The following CACNB2 variants were observed in gnomAD, a reference collection of about 807,000 sequenced individuals.
The protein encoded by CACNB2 is voltage-dependent L-type calcium channel subunit beta-2.
Under a neutral mutation model 73.3 loss-of-function variants are expected in CACNB2, and 42 were observed. That is an observed-to-expected ratio of 0.57 (90% CI 0.45 to 0.74). The LOEUF (loss-of-function observed/expected upper bound fraction) is 0.74. CACNB2 is among the 30% of genes least tolerant of loss of function. The probability of loss-of-function intolerance (pLI) is 0.00; values close to 1 mark genes in which losing one functional copy is unlikely to be tolerated. For synonymous variants in CACNB2, 348 were observed against 310.3 expected, an observed-to-expected ratio of 1.12 and a Z score of -1.28; for missense variants, 940 against 853.0, an observed-to-expected ratio of 1.10 and a Z score of -1.27.
chr10:18,388,163 A>G (rs1183990056), intron 2 of CACNB2, among the ~76,000 whole-genome samples: 4 of 152,192 alleles, frequency 2.6e-5, no homozygotes, highest in Admixed American at 2.6e-4. Context: ...TACACCTTCA[A>G]ATGCAAAATA....
At chr10:18,354,722 A>G (rs932254878) in intron 2 of CACNB2, among the ~76,000 whole-genome samples, 2 of 152,182 alleles carry the variant, frequency 1.3e-5, no homozygotes, top group Admixed American at 6.6e-5. Flanking sequence ...ACTTCTGAGA[A>G]GTCTGGCAGA....
intron 2 of CACNB2, among the ~76,000 whole-genome samples, chr10:18,218,654 G>T (rs71497238): frequency 6.6e-6 from 1 of 152,240 alleles, no homozygotes; most frequent in South Asian, 2.1e-4. Flanking sequence ...TGGATCATGA[G>T]GTCAGGAGAT....
At chr10:18,416,023 G>A (rs1159069467) in intron 3 of CACNB2, among the ~76,000 whole-genome samples, 1 of 152,078 alleles carries the variant, frequency 6.6e-6, no homozygotes, top group African/African-American at 2.4e-5. Context: ...GACTCAGAGT[G>A]TCCGTCACCC....
chr10:18,367,711 C>T (rs2042414139), intron 2 of CACNB2, among the ~76,000 whole-genome samples: 1 of 152,110 alleles, frequency 6.6e-6, no homozygotes. Context: ...ATGTAGTCAC[C>T]TGTTCCTTGT....
At chr10:18,407,109 C>CTCTTTTTTT (rs2044332749) in intron 3 of CACNB2, among the ~76,000 whole-genome samples, 1 of 35,572 alleles carries the variant, frequency 2.8e-5, no homozygotes, top group Admixed American at 3.9e-4. Context: ...GCTGTTCTGT[C>CTCTTTTTTT]TTTTTTTTTT....
chr10:18,176,457 G>A (rs973322021), intron 2 of CACNB2, among the ~76,000 whole-genome samples: 1 of 152,106 alleles, frequency 6.6e-6, no homozygotes, highest in African/African-American at 2.4e-5. Context: ...AATCACAAAA[G>A]CATTGCAGAA....
At chr10:18,326,877 C>T (rs909404693) in intron 2 of CACNB2, among the ~76,000 whole-genome samples, 3 of 152,096 alleles carry the variant, frequency 2.0e-5, no homozygotes, top group Non-Finnish European at 4.4e-5. Context: ...CAGGCATGTG[C>T]CACCATGCCC....
chr10:18,472,562 G>C (rs1027938101), intron 3 of CACNB2, among the ~76,000 whole-genome samples: 1 of 151,980 alleles, frequency 6.6e-6, no homozygotes, highest in African/African-American at 2.4e-5. Context: ...TACGCTTCTT[G>C]CCTACCTTGG....
At chr10:18,533,685 A>C (rs1316563471) in intron 10 of CACNB2, among the ~76,000 whole-genome samples, 1 of 152,224 alleles carries the variant, frequency 6.6e-6, no homozygotes, top group East Asian at 1.9e-4. Flanking sequence ...TGAAAGGAAA[A>C]CCTGTCATGG....
intron 2 of CACNB2, among the ~76,000 whole-genome samples, chr10:18,320,448 T>A (rs1188186635): frequency 1.3e-5 from 2 of 152,150 alleles, no homozygotes; most frequent in Non-Finnish European, 2.9e-5. Context: ...CTGGCAAAAA[T>A]TTTGAAAAAC....
chr10:18,481,220 ATATATATATATTTTTTTTTTTTTTT>A (rs1230512431), intron 3 of CACNB2, among the ~76,000 whole-genome samples: 1 of 12,556 alleles, frequency 8.0e-5, no homozygotes, highest in Non-Finnish European at 1.4e-4. Flanking sequence ...ATATATATAT[ATATATATATATTTTTTTTTTTTTTT>A]TTTTTTTTTT....
intron 2 of CACNB2, among the ~76,000 whole-genome samples, chr10:18,289,495 C>G (rs1397696834): frequency 6.6e-6 from 1 of 151,826 alleles, no homozygotes; most frequent in Non-Finnish European, 1.5e-5. Flanking sequence ...GGAGTTTCAC[C>G]CAGTTAGCCA....
intron 2 of CACNB2, among the ~76,000 whole-genome samples, chr10:18,264,431 T>G (rs917535989): frequency 1.2e-4 from 19 of 152,214 alleles, no homozygotes; most frequent in African/African-American, 3.9e-4. Context: ...TTGAAGAATG[T>G]TCTCAAAGCA....
intron 2 of CACNB2, among the ~76,000 whole-genome samples, chr10:18,278,852 C>CA (rs2038414063): frequency 6.6e-6 from 1 of 151,966 alleles, no homozygotes; most frequent in South Asian, 2.1e-4. Flanking sequence ...CCCTACTCTA[C>CA]AAAAAATACA....
intron 2 of CACNB2, among the ~76,000 whole-genome samples, chr10:18,363,902 A>G (rs997983025): frequency 3.3e-5 from 5 of 150,582 alleles, no homozygotes; most frequent in African/African-American, 1.2e-4. Context: ...TACTGGCAAT[A>G]TTTTTATTAA....
intron 2 of CACNB2, among the ~76,000 whole-genome samples, chr10:18,304,565 C>T (rs2039654620): frequency 6.6e-6 from 1 of 151,990 alleles, no homozygotes; most frequent in Non-Finnish European, 1.5e-5. Context: ...CTATATTCAG[C>T]AAAGCTGCCC....
intron 3 of CACNB2, among the ~76,000 whole-genome samples, chr10:18,421,763 T>G (rs754738671): frequency 5.6e-4 from 85 of 152,214 alleles, no homozygotes; most frequent in Non-Finnish European, 1.1e-3. Flanking sequence ...GAAACAAACC[T>G]ATATATCCTA....
chr10:18,232,109 T>G (rs1486692262), intron 2 of CACNB2, among the ~76,000 whole-genome samples: 4 of 152,316 alleles, frequency 2.6e-5, no homozygotes, highest in Admixed American at 2.6e-4. Context: ...GATACATACT[T>G]TCTGATTTGT....
chr10:18,289,367 T>C (rs1448865284), intron 2 of CACNB2, among the ~76,000 whole-genome samples: 3 of 145,588 alleles, frequency 2.1e-5, no homozygotes, highest in Non-Finnish European at 4.5e-5. Flanking sequence ...TGATCTCGGC[T>C]CACTGCAAGC....
Sources: gnomAD v4.1 joint callset for allele counts (sites outside exome capture counted in the v4.1 genomes callset) on GRCh38, gnomAD v4.1.1 for gene constraint, MANE v1.5 for transcripts, NCBI Gene and HGNC (gene_info 2026-07-23, HGNC 2026-07-21) for gene names.